Variants in LLGL1 observed in about 807,000 individuals in gnomAD.
LLGL1 encodes lethal(2) giant larvae protein homolog 1.
In LLGL1, 58 loss-of-function variants were observed where a neutral mutation model predicts 110.6. The observed-to-expected ratio is 0.52, with a 90% CI of 0.42 to 0.65. The LOEUF is 0.65. Ranked by LOEUF, LLGL1 falls within the 30% of genes least tolerant of loss-of-function variation. The probability of loss-of-function intolerance (pLI) is 0.00; values close to 1 mark genes in which losing one functional copy is unlikely to be tolerated. For missense variants in LLGL1, 1,229 were observed against 1,462.1 expected (o/e 0.84, Z 2.60); for synonymous variants, 674 against 607.2 (o/e 1.11, Z -1.62).
rs973507004 is a variant in LLGL1 at position 18,240,766 on chromosome 17, C to T, written c.2395C>T (p.Arg799Cys). 6 of 1,607,688 alleles carry T rather than the reference C, an allele frequency of 3.7e-6. No individual in the cohort carries two copies. Among genetic ancestry groups the T allele is most frequent in the Non-Finnish European group, 4.2e-6 (5 of 1,177,222 alleles). The change falls in exon 17 of 23, where the codon CGT (arginine) becomes TGT (cysteine). Residue 799 changes from arginine to cysteine, a missense_variant. By Grantham distance (180) the Arg-to-Cys change is radical. Coordinates refer to ENST00000316843, the MANE Select transcript of LLGL1 (RefSeq NM_004140.4). The surrounding 1 kb of genome is among the most constrained non-coding windows in gnomAD (Gnocchi z 5.3). ...GGTGGCCATTGCCGTGTTGGACGGG[C>T]GTGGCCGCCCACTGCCCGAGCCCTA... ...PVVAIAVLDG[R>C]GRPLPEPYEA...
chr17:18,237,939 C>A, intron 14 of LLGL1, 128 bp from the exon 15 acceptor site: 1 of 1,299,648 alleles, frequency 7.7e-7, no homozygotes, highest in South Asian at 1.4e-5. Context: ...CCACCTGCAG[C>A]TGGGTCCATA....
In LLGL1 at chr17:18,232,490, C is replaced by G; in HGVS notation, c.180-5C>G. On this transcript the variant is annotated splice_polypyrimidine_tract_variant and splice_region_variant and intron_variant, in intron 2 of 22. Coordinates refer to ENST00000316843, the MANE Select transcript of LLGL1 (RefSeq NM_004140.4). Reference sequence around the variant, plus strand: ...CCTATTTCCACCTTGACCTGCCACCCTCAGCTATGGTGCACCTGGCGTGGA... The same window carrying G: ...CCTATTTCCACCTTGACCTGCCACCGTCAGCTATGGTGCACCTGGCGTGGA... 1.9e-6 allele frequency: 3 copies of G among 1,612,916 alleles called. No individual in the cohort carries two copies. Among genetic ancestry groups the G allele is most frequent in the East Asian group, 2.2e-5 (1 of 44,862 alleles).
At position 18,237,005 on chromosome 17, in the gene LLGL1, G is replaced by T. The variant is rs1026201220; in HGVS notation, c.1611+66G>T. 2.2e-6 allele frequency: 3 copies of T among 1,360,924 alleles called. No homozygotes were observed. The African/African-American group carries it at 4.3e-5, about 20-fold the overall frequency. 84.3% of individuals were successfully genotyped at this position (1,360,924 alleles called of 1,614,324 possible). A position where few individuals can be genotyped will look rare whatever the true frequency, so the allele number is the denominator to read the frequency against. Reference sequence around the variant, plus strand: ...GCTTTCTGGAAGAGATGAGCTGGAGGGTCTGGTGGAAAGGGAGATGGACTG... The same window carrying T: ...GCTTTCTGGAAGAGATGAGCTGGAGTGTCTGGTGGAAAGGGAGATGGACTG... On this transcript the variant is annotated intron_variant, in intron 13 of 22. Transcript: ENST00000316843.
chr17:18,225,778 C>T lies in LLGL1; in HGVS notation c.81+15C>T, dbSNP rs1391741921. On this transcript the variant is annotated intron_variant, in intron 1 of 22. Coordinates refer to ENST00000316843, the MANE Select transcript of LLGL1 (RefSeq NM_004140.4). ...CCTTCAACAAGGTGCGGCGGCGGCC[C>T]GGGCCCGGGCTCGGGCGGGAGGGGG... 7.8e-6 allele frequency: 5 copies of T among 639,926 alleles called. No individual in the cohort carries two copies. The highest frequency in any genetic ancestry group is 2.1e-5 in the African/African-American group (1 of 48,748). The allele number at this position is 639,926 out of a possible 1,614,324, so 39.6% of individuals were successfully genotyped here.
chr17:18,231,950 G>T (rs1597862330), intron 2 of LLGL1, among the ~76,000 whole-genome samples: 1 of 152,196 alleles, frequency 6.6e-6, no homozygotes, highest in Non-Finnish European at 1.5e-5. Context: ...GAGCCACCGT[G>T]CCCAGAGGAG....
chr17:18,232,009 A>G (rs1388226869), intron 2 of LLGL1, among the ~76,000 whole-genome samples: 1 of 152,160 alleles, frequency 6.6e-6, no homozygotes. Context: ...CTGTGGGAAA[A>G]GGCAGCCTGG....
At position 18,235,383 on chromosome 17, in the gene LLGL1, C is replaced by T. The variant is rs77199014; in HGVS notation, c.1284+71C>T. The T allele has an allele frequency of 3.2e-3, 5,139 of 1,605,116 alleles. 246 individuals are homozygous for T. The East Asian group carries it at 0.1, about 31-fold the overall frequency. ...AGGGGGAGAGTTTCAGTTCTAAGCC[C>T]GGAGGTCAGAATGTGCCATACTCGG... is the stretch of plus-strand genomic sequence containing the variant. On this transcript the variant is annotated intron_variant, in intron 10 of 22. Coordinates refer to ENST00000316843, the MANE Select transcript of LLGL1 (RefSeq NM_004140.4).
At position 18,242,718 on chromosome 17, in the gene LLGL1, C is replaced by T. The variant is rs376151531; in HGVS notation, c.3117-25C>T. On this transcript the variant is annotated intron_variant, in intron 21 of 22. Transcript: ENST00000316843. ...TGCCAGGGGCTCCCCCGCCCCCACCCCTGAGCACCATCCCCATCTCGCAGC... is the reference window on the plus strand; with the variant it reads ...TGCCAGGGGCTCCCCCGCCCCCACCTCTGAGCACCATCCCCATCTCGCAGC... The T allele has an allele frequency of 5.1e-4, 794 of 1,563,104 alleles. 3 individuals carry two copies. The South Asian group carries it at 6.8e-3, about 13-fold the overall frequency.
At position 18,233,922 on chromosome 17, in the gene LLGL1, C is replaced by T. The variant is rs536824236; in HGVS notation, c.537C>T (p.Gly179=). 1.8e-5 allele frequency: 29 copies of T among 1,612,572 alleles called. No homozygotes were observed. The highest frequency in any genetic ancestry group is 4.0e-5 in the African/African-American group (3 of 75,046). The change falls in exon 5 of 23, where the codon GGC becomes GGT. Residue 179 remains glycine, a synonymous_variant. Transcript: ENST00000316843. The part of the protein sequence containing the change: ...TLLEGQTLAP[G]EVLRSVPDDY... The stretch of plus-strand genomic sequence containing the variant: ...TCGAGGGGCAGACGCTTGCCCCAGG[C>T]GAGGTTCTGCGCAGGTAAGAGGCCG...
chr17:18,232,728 C>T lies in LLGL1; in HGVS notation c.318C>T (p.His106=), dbSNP rs767907165. 5 of 1,614,040 alleles carry T rather than the reference C, an allele frequency of 3.1e-6. No homozygotes were observed. Among genetic ancestry groups the T allele is most frequent in the African/African-American group, 1.3e-5 (1 of 74,944 alleles). Residue 106 remains histidine, a synonymous_variant, in exon 4 of 23, where the codon CAC becomes CAT. Transcript: ENST00000316843. ...DSSLHLWEIV[H]HNGCAHLEEA... ...GTCTGCATCTCTGGGAGATTGTCCACCATAATGGCTGTGCCCACCTGGAAG... is the reference window on the plus strand; with the variant it reads ...GTCTGCATCTCTGGGAGATTGTCCATCATAATGGCTGTGCCCACCTGGAAG...
Position 18,233,811 on chromosome 17 carries a change from C to T in LLGL1, c.426C>T (p.Val142=), listed in dbSNP as rs981948018. ...TCAGCCTTACCCGAGTCACAGTGGT[C>T]CTGCTGGTGGCTGCCAGCGACATAG... The part of the protein sequence containing the change: ...APLSLTRVTV[V]LLVAASDIAA... Residue 142 remains valine (V), a synonymous_variant, in exon 5 of 23, where the codon GTC becomes GTT. Transcript: ENST00000316843. The T allele has an allele frequency of 1.7e-5, 28 of 1,613,880 alleles. No homozygotes were observed. The highest frequency in any genetic ancestry group is 1.2e-4 in the Admixed American group (7 of 60,004).
intron 7 of LLGL1, 92 bp from the exon 8 acceptor site, chr17:18,234,557 T>C: frequency 6.3e-7 from 1 of 1,584,366 alleles, no homozygotes; most frequent in Non-Finnish European, 8.7e-7. Context: ...AGGAGGCAGC[T>C]GTAAGGTAGA....
At chr17:18,235,381 C>G in intron 10 of LLGL1, 69 bp downstream of exon 10, 1 of 1,604,862 alleles carries the variant, frequency 6.2e-7, no homozygotes, top group Non-Finnish European at 8.5e-7. Flanking sequence ...CAGTTCTAAG[C>G]CCGGAGGTCA....
rs1362021269 is a variant in LLGL1 at position 18,241,597 on chromosome 17, C to T, written c.2649C>T (p.Asn883=). ...YAETCLACLT[N]LGDVHVFSVP... is the part of the protein sequence containing the mutation. ...AGACCTGCCTGGCCTGCCTCACCAA[C>T]CTGGGTGACGTCCACGTCTTCTCGG... The change falls in exon 18 of 23, where the codon AAC becomes AAT. Residue 883 remains asparagine (N), a synonymous_variant. Transcript: ENST00000316843. 1.1e-5 allele frequency: 17 copies of T among 1,613,836 alleles called. No homozygotes were observed. Among genetic ancestry groups the T allele is most frequent in the Non-Finnish European group, 1.4e-5 (16 of 1,180,034 alleles).
chr17:18,240,807 C>T lies in LLGL1; in HGVS notation c.2436C>T (p.Asp812=), dbSNP rs754888131. 1.3e-6 allele frequency: 2 copies of T among 1,582,298 alleles called. No individual in the cohort carries two copies. The highest frequency in any genetic ancestry group is 2.3e-5 in the South Asian group (2 of 88,596). ...PLPEPYEASR[D]LAQAPDMQGG... is the part of the protein sequence containing the mutation. ...CCGAGCCCTACGAGGCCTCACGGGA[C>T]CTGGCGCAGGCACCTGACATGCAGG... The change falls in exon 17 of 23, where the codon GAC becomes GAT. Residue 812 remains aspartate, a synonymous_variant. Coordinates refer to ENST00000316843, the MANE Select transcript of LLGL1 (RefSeq NM_004140.4). The surrounding 1 kb of genome is among the most constrained non-coding windows in gnomAD (Gnocchi z 5.3).
Position 18,242,812 on chromosome 17 carries a change from GATC to G in LLGL1, c.3188_3190del (p.Ile1063del). On this transcript the variant is annotated inframe_deletion, in exon 22 of 23. Transcript: ENST00000316843. ...ACGAGGCCCACGCCTGTGCCATCCT[GATC>G]AAATGAGGTGCTGCAGGGGTGGGGC... The G allele has an allele frequency of 6.4e-7, 1 of 1,553,758 alleles. No homozygotes were observed. The highest frequency in any genetic ancestry group is 8.7e-7 in the Non-Finnish European group (1 of 1,148,866).
rs1567693276 is a variant in LLGL1, at chr17:18,238,187, G to A, written c.2025G>A (p.Lys675=). ...RRIRKSRVSG[K]KRAANASSKL... ...TTCGCAAGAGTCGTGTCTCTGGCAA[G>A]AAGCGGGCTGCTAATGCCAGCAGCA... Residue 675 remains lysine (K), a synonymous_variant, in exon 15 of 23, where the codon AAG becomes AAA. Coordinates refer to ENST00000316843, the MANE Select transcript of LLGL1 (RefSeq NM_004140.4). The A allele has an allele frequency of 5.0e-6, 8 of 1,612,434 alleles. No individual in the cohort carries two copies. Among genetic ancestry groups the A allele is most frequent in the Admixed American group, 1.7e-5 (1 of 60,032 alleles).
chr17:18,235,544 G>A lies in LLGL1; in HGVS notation c.1352+7G>A, dbSNP rs1208484019. ...GAGGGCTGCTGCTGACGGGGTAGGT[G>A]TGCGTGCTTATGTGGGTGAGTGGGC... On this transcript the variant is annotated splice_region_variant and intron_variant, in intron 11 of 22. Coordinates refer to ENST00000316843, the MANE Select transcript of LLGL1 (RefSeq NM_004140.4). 54 of 1,612,878 alleles carry A rather than the reference G, an allele frequency of 3.3e-5. No homozygotes were observed. Among genetic ancestry groups the A allele is most frequent in the African/African-American group, 6.7e-5 (5 of 74,916 alleles).
In LLGL1 at chr17:18,242,281, G is replaced by A. The variant is rs2047857195; in HGVS notation, c.2995+3G>A. On this transcript the variant is annotated splice_donor_region_variant and intron_variant, in intron 20 of 22. Transcript: ENST00000316843. ...TCCAGCCCACAGCATGGGACCTGGTGAGGGGGGCATGAAAGGGGTCCAGAC... is the reference window on the plus strand; with the variant it reads ...TCCAGCCCACAGCATGGGACCTGGTAAGGGGGGCATGAAAGGGGTCCAGAC... The A allele has an allele frequency of 1.2e-6, 2 of 1,612,154 alleles. No individual in the cohort carries two copies. Among genetic ancestry groups the A allele is most frequent in the Non-Finnish European group, 1.7e-6 (2 of 1,178,482 alleles).
Sources: allele counts gnomAD v4.1 joint callset (sites outside exome capture counted in the v4.1 genomes callset), GRCh38; gene constraint gnomAD v4.1.1; non-coding constraint Gnocchi (gnomAD v3.1); transcripts MANE v1.5; gene names NCBI Gene and HGNC (gene_info 2026-07-23, HGNC 2026-07-21).